Variants in IPO13 observed in about 807,000 individuals in gnomAD.
The protein encoded by IPO13 is importin 13.
In IPO13, 28 loss-of-function variants were observed where a neutral mutation model predicts 115.5. The observed-to-expected ratio is 0.24, with a 90% confidence interval of 0.18 to 0.33. The LOEUF (loss-of-function observed/expected upper bound fraction) is 0.33. Among genes scored for constraint, IPO13 ranks in the 10% least tolerant of loss-of-function variants. The pLI, the probability that IPO13 is intolerant of heterozygous loss-of-function variation, is 1.00. For missense variants in IPO13, 785 were observed against 1,204.6 expected (o/e 0.65, Z 5.16); for synonymous variants, 414 against 478.9 (o/e 0.86, Z 1.77).
At chr1:43,960,668 CCA>C (rs2085283116) in intron 12 of IPO13, among the ~76,000 whole-genome samples, 1 of 152,210 alleles carries the variant, frequency 6.6e-6, no homozygotes, top group Admixed American at 6.5e-5. Flanking sequence ...GAGTTAAGTT[CCA>C]CAGTTACATC....
intron 13 of IPO13, 26 bp from the exon 14 acceptor site, chr1:43,961,140 G>C (rs1300313098): frequency 2.5e-6 from 4 of 1,611,418 alleles, no homozygotes; most frequent in Non-Finnish European, 3.4e-6. Context: ...GGTCTCAGCT[G>C]ACCAGCATTC....
At chr1:43,954,981 T>C (rs1046878736) in intron 2 of IPO13, among the ~76,000 whole-genome samples, 1 of 152,228 alleles carries the variant, frequency 6.6e-6, no homozygotes, top group African/African-American at 2.4e-5. Context: ...TTAAAGGTGT[T>C]ACTGTTCCCC....
In IPO13 at chr1:43,966,895, G is replaced by A; in HGVS notation, c.2524-35G>A. The stretch of plus-strand genomic sequence containing the variant: ...TCTTGTCCTCAGGGAGAGCTGGGAA[G>A]GAGCTGGGCTGATGGGCCTCTCCAT... On this transcript the variant is annotated intron_variant, in intron 17 of 19. Coordinates refer to ENST00000372343, the MANE Select transcript of IPO13 (RefSeq NM_014652.4). This position sits in a 1 kb window ranked among gnomAD's most constrained non-coding sequence, Gnocchi z 4.1. The A allele has an allele frequency of 6.2e-7, 1 of 1,610,778 alleles. No individual in the cohort carries two copies. Among genetic ancestry groups the A allele is most frequent in the Non-Finnish European group, 8.5e-7 (1 of 1,177,336 alleles).
chr1:43,947,516 C>G lies in IPO13; in HGVS notation c.-85C>G. 1.3e-6 allele frequency: 1 copy of G among 789,756 alleles called. No homozygotes were observed. The highest frequency in any genetic ancestry group is 1.7e-6 in the Non-Finnish European group (1 of 578,066). 48.9% of individuals were successfully genotyped at this position (789,756 alleles called of 1,614,324 possible). On this transcript the variant is annotated 5_prime_UTR_variant, in exon 1 of 20. Coordinates refer to ENST00000372343, the MANE Select transcript of IPO13 (RefSeq NM_014652.4). ...CCCCACCACTCCCTGGGCACCCAAGCCGGGGTCTAGCAGGGGGCCAGCAGC... is the reference window on the plus strand; with the variant it reads ...CCCCACCACTCCCTGGGCACCCAAGGCGGGGTCTAGCAGGGGGCCAGCAGC...
chr1:43,955,233 C>T (rs1441313921), intron 2 of IPO13, among the ~76,000 whole-genome samples: 4 of 151,926 alleles, frequency 2.6e-5, no homozygotes, highest in Admixed American at 2.6e-4. Flanking sequence ...GGGATTGATG[C>T]TCTCATGAGC....
Position 43,966,933 on chromosome 1 carries a change from G to C in IPO13, c.2527G>C (p.Glu843Gln), listed in dbSNP as rs766902795. The C allele has an allele frequency of 1.2e-6, 2 of 1,613,894 alleles. No homozygotes were observed. Among genetic ancestry groups the C allele is most frequent in the Non-Finnish European group, 1.7e-6 (2 of 1,180,034 alleles). ...TGGGCCTCTCCATCCTCTGCAGACA[G>C]AGCTGCTGCCTCGGTGTGGGGAAGT... ...TVKASCGFFT[E>Q]LLPRCGEVES... is the part of the protein sequence containing the mutation. Residue 843 changes from glutamate (E) to glutamine (Q), a missense_variant, in exon 18 of 20, where the codon GAG becomes CAG. By Grantham distance (29) the Glu-to-Gln change is conservative (BLOSUM62 2). This residue lies in a region of IPO13 where 285 missense variants were observed against 394.8 expected (regional missense o/e 0.72). Coordinates refer to ENST00000372343, the MANE Select transcript of IPO13 (RefSeq NM_014652.4). The surrounding 1 kb of genome is among the most constrained non-coding windows in gnomAD (Gnocchi z 4.1).
rs2085331751 is a variant in IPO13, at chr1:43,967,216, G to A, written c.2614-99G>A. ...AAAGCAGCGCTCACTGTGATGTGCA[G>A]TTTGGCTTAGGAACTGTCCAGAGGG... On this transcript the variant is annotated intron_variant, in intron 18 of 19. Transcript: ENST00000372343. This position sits in a 1 kb window ranked among gnomAD's most constrained non-coding sequence, Gnocchi z 6.1. 3 of 1,343,616 alleles carry A rather than the reference G, an allele frequency of 2.2e-6. No individual in the cohort carries two copies. The highest frequency in any genetic ancestry group is 2.1e-6 in the Non-Finnish European group (2 of 952,588). The allele number at this position is 1,343,616 out of a possible 1,614,324, so 83.2% of individuals were successfully genotyped here.
chr1:43,966,363 T>C lies in IPO13; in HGVS notation c.2398-212T>C, dbSNP rs1030409095. 1 of 609,008 alleles carries C rather than the reference T, an allele frequency of 1.6e-6. No homozygotes were observed. Among genetic ancestry groups the C allele is most frequent in the African/African-American group, 1.8e-5 (1 of 54,168 alleles). 37.7% of individuals were successfully genotyped at this position (609,008 alleles called of 1,614,324 possible). A position where few individuals can be genotyped will look rare whatever the true frequency, so the allele number is the denominator to read the frequency against. On this transcript the variant is annotated intron_variant, in intron 15 of 19. Transcript: ENST00000372343. This position sits in a 1 kb window ranked among gnomAD's most constrained non-coding sequence, Gnocchi z 4.1. ...TCTCTCACGTACACCTGCGTGTTCA[T>C]GTACACATACATGTACATAGCATCC...
Position 43,960,831 on chromosome 1 carries a change from C to T in IPO13, c.2110-45C>T, listed in dbSNP as rs374144199. ...GTGCAGGGCTTCAGCGCTGTTCCAG[C>T]CAGTCATGACCTGCTGACCAGGGCC... On this transcript the variant is annotated intron_variant, in intron 12 of 19. Transcript: ENST00000372343. The T allele has an allele frequency of 6.2e-6, 10 of 1,609,612 alleles. No homozygotes were observed. The African/African-American group carries it at 9.3e-5, about 15-fold the overall frequency.
chr1:43,949,919 T>G lies in IPO13; in HGVS notation c.587T>G (p.Val196Gly). 6.2e-7 allele frequency: 1 copy of G among 1,610,034 alleles called. No homozygotes were observed. Among genetic ancestry groups the G allele is most frequent in the Non-Finnish European group, 8.5e-7 (1 of 1,179,632 alleles). Reference sequence around the variant, plus strand: ...GGCCTGGTGCGGACCAGCCTGGCGGTGGAATGTGGGGCTGTCTTCCCGCTG... The same window carrying G: ...GGCCTGGTGCGGACCAGCCTGGCGGGGGAATGTGGGGCTGTCTTCCCGCTG... ...RKGLVRTSLA[V>G]ECGAVFPLLE... Residue 196 changes from valine to glycine, a missense_variant, in exon 2 of 20, where the codon GTG (valine) becomes GGG (glycine). By Grantham distance (109) the Val-to-Gly change is moderately radical (BLOSUM62 -3). Around this residue, in one of 3 missense-constraint regions of IPO13, gnomAD observed 325 missense variants for 449.8 expected, o/e 0.72. Transcript: ENST00000372343.
At position 43,950,719 on chromosome 1, in the gene IPO13, G is replaced by A. The variant is rs183758402; in HGVS notation, c.821+566G>A. On this transcript the variant is annotated intron_variant, in intron 2 of 19. Transcript: ENST00000372343. ...ATGCTACTCTCCTTGCTCTCTACAC[G>A]CTCACACAGTTTCTTTAATTCCTTG... is the stretch of plus-strand genomic sequence containing the variant. 2.1e-3 allele frequency among the ~76,000 whole-genome samples: 317 copies of A among 152,232 alleles called. 1 individual carries two copies. Among genetic ancestry groups the A allele is most frequent in the African/African-American group, 7.5e-3 (311 of 41,530 alleles).
At position 43,949,567 on chromosome 1, in the gene IPO13, G is replaced by T; in HGVS notation, c.235G>T (p.Ala79Ser). 1 of 1,614,208 alleles carries T rather than the reference G, an allele frequency of 6.2e-7. No individual in the cohort carries two copies. Among genetic ancestry groups the T allele is most frequent in the Non-Finnish European group, 8.5e-7 (1 of 1,180,038 alleles). Reference sequence around the variant, plus strand: ...GGTACCAGAGATCCAGTACTTTGGGGCCAGTGCTCTTCACATCAAGATCTC... The same window carrying T: ...GGTACCAGAGATCCAGTACTTTGGGTCCAGTGCTCTTCACATCAAGATCTC... ...DKVPEIQYFG[A>S]SALHIKISRY... The change falls in exon 2 of 20, where the codon GCC (alanine) becomes TCC (serine). Residue 79 changes from alanine (A) to serine (S), a missense_variant. Around this residue, in one of 3 missense-constraint regions of IPO13, gnomAD observed 325 missense variants for 449.8 expected, o/e 0.72. Transcript: ENST00000372343.
intron 14 of IPO13, among the ~76,000 whole-genome samples, chr1:43,962,310 C>T (rs530684613): frequency 2.2e-4 from 34 of 152,302 alleles, no homozygotes; most frequent in African/African-American, 7.7e-4. Context: ...TACCCACCTC[C>T]GTGGCCACTG....
intron 11 of IPO13, among the ~76,000 whole-genome samples, chr1:43,959,801 TCTGCTCCTC>T (rs1266162285): frequency 6.6e-6 from 1 of 152,202 alleles, no homozygotes; most frequent in African/African-American, 2.4e-5. Context: ...CAGTCTGCTC[TCTGCTCCTC>T]CATAAGCTGG....
intron 2 of IPO13, among the ~76,000 whole-genome samples, chr1:43,950,538 A>G (rs1015545969): frequency 1.1e-4 from 16 of 152,144 alleles, no homozygotes; most frequent in African/African-American, 3.9e-4. Context: ...TGTACCCTTC[A>G]TTGTCCCAGC....
intron 2 of IPO13, among the ~76,000 whole-genome samples, chr1:43,954,236 G>T (rs982668958): frequency 8.5e-5 from 13 of 152,290 alleles, no homozygotes; most frequent in African/African-American, 2.9e-4. Context: ...CCCATTGTCT[G>T]GTGGTGCAGC....
rs375503710 is a variant in IPO13 at position 43,961,162 on chromosome 1, G to T, written c.2248-4G>T. 1 of 1,613,358 alleles carries T rather than the reference G, an allele frequency of 6.2e-7. No individual in the cohort carries two copies. The highest frequency in any genetic ancestry group is 2.2e-5 in the East Asian group (1 of 44,874). Reference sequence around the variant, plus strand: ...GCTGACCAGCATTCCCTGCTTTCTCGTAGCTGGTCCACATCTTTGCTCATG... The same window carrying T: ...GCTGACCAGCATTCCCTGCTTTCTCTTAGCTGGTCCACATCTTTGCTCATG... On this transcript the variant is annotated splice_polypyrimidine_tract_variant and splice_region_variant and intron_variant, in intron 13 of 19. Transcript: ENST00000372343.
At position 43,946,975 on chromosome 1, in the gene IPO13, G is replaced by C. The variant is rs2085170257; in HGVS notation, c.-626G>C. 3 of 396,696 alleles carry C rather than the reference G, an allele frequency of 7.6e-6. No homozygotes were observed. Among genetic ancestry groups the C allele is most frequent in the Non-Finnish European group, 1.3e-5 (3 of 224,690 alleles). The allele number at this position is 396,696 out of a possible 1,614,324, so 24.6% of individuals were successfully genotyped here. A position where few individuals can be genotyped will look rare whatever the true frequency, so the allele number is the denominator to read the frequency against. ...GCTTGTCTTGTCAGTCACTGGGGCG[G>C]AGGCAGCGGCTGTAGCGGGGCTGTA... is the stretch of plus-strand genomic sequence containing the variant. On this transcript the variant is annotated 5_prime_UTR_variant, in exon 1 of 20. Transcript: ENST00000372343.
chr1:43,960,247 A>AGGT lies in IPO13; in HGVS notation c.2038_2040dup, dbSNP rs1481978587. On this transcript the variant is annotated splice_acceptor_variant, in intron 11 of 19. Transcript: ENST00000372343. LOFTEE classifies it high-confidence loss of function. ...GCGCCTCACTTCTTCCTGTGCCTTC[A>AGGT]GGTGGTGGTGGTGCTGCAGCAGGTC... 6.2e-7 allele frequency: 1 copy of AGGT among 1,614,034 alleles called. No individual in the cohort carries two copies. The highest frequency in any genetic ancestry group is 8.5e-7 in the Non-Finnish European group (1 of 1,179,944).
Sources: allele counts gnomAD v4.1 joint callset (sites outside exome capture counted in the v4.1 genomes callset), GRCh38; gene constraint gnomAD v4.1.1; regional missense constraint gnomAD v4.1.1; non-coding constraint Gnocchi (gnomAD v3.1); transcripts MANE v1.5; gene names NCBI Gene and HGNC (gene_info 2026-07-23, HGNC 2026-07-21).